The following IYD variants were observed in gnomAD, a reference collection of about 807,000 sequenced individuals.
IYD encodes the protein iodotyrosine deiodinase 1.
In IYD, 25 loss-of-function variants were observed where a neutral mutation model predicts 28.4. That is an observed-to-expected ratio of 0.88 (90% confidence interval 0.64 to 1.23). The LOEUF (loss-of-function observed/expected upper bound fraction) is 1.23, where lower values mean the gene tolerates loss of function less well. IYD is among the 50% of genes most tolerant of loss of function. The pLI is 0.00. For missense variants in IYD, 352 were observed against 357.9 expected (o/e 0.98, Z 0.13); for synonymous variants, 140 against 130.8 (o/e 1.07, Z -0.48).
At chr6:150,373,005 T>A (rs1182870300) in intron 1 of IYD, among the ~76,000 whole-genome samples, 6 of 152,148 alleles carry the variant, frequency 3.9e-5, no homozygotes, top group Non-Finnish European at 8.8e-5. Flanking sequence ...TTCATAGAAG[T>A]CCATAGAAAT....
intron 2 of IYD, among the ~76,000 whole-genome samples, chr6:150,391,673 A>T (rs930584571): frequency 6.6e-6 from 1 of 152,090 alleles, no homozygotes; most frequent in African/African-American, 2.4e-5. Context: ...TGTTTTCCAG[A>T]TTATCTAACT....
At chr6:150,383,610 C>T (rs1453345869) in intron 1 of IYD, among the ~76,000 whole-genome samples, 1 of 151,936 alleles carries the variant, frequency 6.6e-6, no homozygotes, top group Non-Finnish European at 1.5e-5. Context: ...TTAACAGATG[C>T]CACAACCACA....
rs1007816012 is a variant in IYD, at chr6:150,401,618, C to G, written c.*3381C>G. 6.6e-6 allele frequency: 1 copy of G among 152,086 alleles called. No individual in the cohort carries two copies. The highest frequency in any genetic ancestry group is 2.4e-5 in the African/African-American group (1 of 41,394). The allele number at this position is 152,086 out of a possible 1,614,324, so 9.4% of individuals were successfully genotyped here. A position where few individuals can be genotyped will look rare whatever the true frequency, so the allele number is the denominator to read the frequency against. On this transcript the variant is annotated 3_prime_UTR_variant, in exon 5 of 5. Coordinates refer to ENST00000344419, the MANE Select transcript of IYD (RefSeq NM_203395.3). The stretch of plus-strand genomic sequence containing the variant: ...TAATTTTCTTCCTTCTCACTGCAGC[C>G]CCAAGCTCTTATTAACCTTCTTTTA...
rs2115080582 is a variant in IYD at position 150,405,507 on chromosome 6, C to T, written c.*7270C>T. 3 of 152,324 alleles carry T rather than the reference C, an allele frequency of 2.0e-5. No individual in the cohort carries two copies. The South Asian group carries it at 6.2e-4, about 32-fold the overall frequency. 9.4% of individuals were successfully genotyped at this position (152,324 alleles called of 1,614,324 possible). On this transcript the variant is annotated 3_prime_UTR_variant, in exon 5 of 5. Transcript: ENST00000344419. ...AAAGGAAGGAGGTTTAATTGATTCACAGTTCAGCATGGCTGGGGAGGCCTC... is the reference window on the plus strand; with the variant it reads ...AAAGGAAGGAGGTTTAATTGATTCATAGTTCAGCATGGCTGGGGAGGCCTC...
At chr6:150,382,236 AT>A (rs1777671948) in intron 1 of IYD, among the ~76,000 whole-genome samples, 2 of 152,164 alleles carry the variant, frequency 1.3e-5, no homozygotes, top group African/African-American at 4.8e-5. Flanking sequence ...CTGATGGACA[AT>A]TTTAGTTTCA....
intron 1 of IYD, among the ~76,000 whole-genome samples, chr6:150,378,196 T>TTAA (rs1562312015): frequency 9.2e-5 from 14 of 151,814 alleles, no homozygotes; most frequent in South Asian, 8.3e-4. Flanking sequence ...ATTATTATTA[T>TTAA]ACTTTAAGTT....
intron 4 of IYD, 151 bp from the exon 5 acceptor site, chr6:150,397,904 C>G: frequency 1.3e-6 from 1 of 756,806 alleles, no homozygotes; most frequent in Middle Eastern, 3.4e-4. Context: ...TTCACGATGC[C>G]ATTACTTGAG....
rs369879148 is a variant in IYD at position 150,382,310 on chromosome 6, C to T, written c.179-7042C>T. Among the ~76,000 whole-genome samples the T allele has an allele frequency of 1.3e-3, 200 of 152,174 alleles. 1 individual carries two copies. Among genetic ancestry groups the T allele is most frequent in the Middle Eastern group, 0.01 (3 of 294 alleles). On this transcript the variant is annotated intron_variant, in intron 1 of 4. Coordinates refer to ENST00000344419, the MANE Select transcript of IYD (RefSeq NM_203395.3). ...TGCATTGCAGCTTGGCTTCTTCTGC[C>T]CAATCTTGTTTCTTTCCTCTCCCTT...
rs750140034 is a variant in IYD at position 150,369,184 on chromosome 6, C to T, written c.153C>T (p.Ser51=). Residue 51 remains serine, a synonymous_variant, in exon 1 of 5, where the codon AGC becomes AGT. Coordinates refer to ENST00000344419, the MANE Select transcript of IYD (RefSeq NM_203395.3). ...GGGTGGATGAAGACTTAAAAGACAG[C>T]AGTGACCTGCACCAAGCAGAAGAAG... ...RPWVDEDLKD[S]SDLHQAEEDA... The T allele has an allele frequency of 1.2e-6, 2 of 1,613,366 alleles. No individual in the cohort carries two copies. Among genetic ancestry groups the T allele is most frequent in the Non-Finnish European group, 1.7e-6 (2 of 1,179,970 alleles).
chr6:150,374,415 T>C (rs1182246338), intron 1 of IYD, among the ~76,000 whole-genome samples: 2 of 152,198 alleles, frequency 1.3e-5, no homozygotes, highest in East Asian at 1.9e-4. Flanking sequence ...ACACTGCTGA[T>C]AAAGACATAC....
chr6:150,376,939 G>A (rs1777465205), intron 1 of IYD, among the ~76,000 whole-genome samples: 1 of 152,072 alleles, frequency 6.6e-6, no homozygotes, highest in South Asian at 2.1e-4. Flanking sequence ...ATTTCTTTTG[G>A]AAAGAAATGC....
intron 3 of IYD, 61 bp from the exon 4 acceptor site, chr6:150,394,038 G>A (rs1778218202): frequency 7.0e-7 from 1 of 1,434,578 alleles, no homozygotes. Context: ...AGAAGCTAAG[G>A]TAGTAAAAGA....
intron 4 of IYD, among the ~76,000 whole-genome samples, chr6:150,397,587 C>A (rs11382566): frequency 0.19 from 15,813 of 85,240 alleles, 1,226 homozygotes; most frequent in East Asian, 0.32. Flanking sequence ...AAACAAAAAA[C>A]AAAACCGAAT....
chr6:150,377,800 A>G (rs1404437235), intron 1 of IYD, among the ~76,000 whole-genome samples: 5 of 152,264 alleles, frequency 3.3e-5, no homozygotes, highest in Admixed American at 3.3e-4. Context: ...GCCAGACTTC[A>G]TCTTAAATGG....
chr6:150,392,264 A>G, intron 2 of IYD, 81 bp from the exon 3 acceptor site: 4 of 1,604,840 alleles, frequency 2.5e-6, no homozygotes, highest in South Asian at 2.2e-5. Context: ...TGCTTGGACT[A>G]CAGGGATGAG....
intron 1 of IYD, among the ~76,000 whole-genome samples, chr6:150,388,389 C>T (rs1420551679): frequency 1.3e-5 from 2 of 152,288 alleles, no homozygotes; most frequent in South Asian, 2.1e-4. Context: ...GTACCTTCTG[C>T]ACTTATCTAC....
intron 1 of IYD, chr6:150,370,464 A>G: frequency 1.0e-6 from 1 of 984,334 alleles, no homozygotes; most frequent in Non-Finnish European, 1.2e-6. Flanking sequence ...TGTGTGTCCT[A>G]ATCTCAGGAC....
chr6:150,378,049 C>T (rs1473079411), intron 1 of IYD, among the ~76,000 whole-genome samples: 4 of 152,142 alleles, frequency 2.6e-5, no homozygotes, highest in South Asian at 2.1e-4. Context: ...CCAAAAGTAG[C>T]GCCTGCTAAC....
chr6:150,384,006 A>G (rs991008812), intron 1 of IYD, among the ~76,000 whole-genome samples: 1 of 152,122 alleles, frequency 6.6e-6, no homozygotes, highest in Non-Finnish European at 1.5e-5. Context: ...AAGATATATA[A>G]CAACATTATA....
Sources: allele counts gnomAD v4.1 joint callset (sites outside exome capture counted in the v4.1 genomes callset), GRCh38; gene constraint gnomAD v4.1.1; transcripts MANE v1.5; gene names NCBI Gene and HGNC (gene_info 2026-07-23, HGNC 2026-07-21).